Variants in DUXA observed in about 807,000 individuals in gnomAD.
DUXA encodes the protein double homeobox A.
In DUXA, 25 loss-of-function variants were observed where a neutral mutation model predicts 27.5. The ratio of observed to expected loss-of-function variants is 0.91; its 90% CI spans 0.66 to 1.27. DUXA has a LOEUF of 1.27. Ranked by LOEUF, DUXA falls within the 50% of genes most tolerant of loss-of-function variation. The pLI is 0.00. For missense variants in DUXA, 247 were observed against 242.9 expected (o/e 1.02, Z -0.11); for synonymous variants, 90 against 80.5 (o/e 1.12, Z -0.63).
intron 1 of DUXA, among the ~76,000 whole-genome samples, chr19:57,161,447 C>T (rs1279045136): frequency 4.8e-4 from 72 of 149,462 alleles, no homozygotes; most frequent in Non-Finnish European, 7.4e-5. Flanking sequence ...CATGATGAAA[C>T]CCCGTCTCTA....
At chr19:57,158,741 TAA>T in intron 3 of DUXA, among the ~76,000 whole-genome samples, 1 of 152,116 alleles carries the variant, frequency 6.6e-6, no homozygotes, top group East Asian at 1.9e-4. Context: ...GCCGGCACTT[TAA>T]GAGACTGAGA....
intron 2 of DUXA, 66 bp downstream of exon 2, chr19:57,160,577 C>G (rs1389604332): frequency 1.3e-6 from 2 of 1,572,208 alleles, no homozygotes; most frequent in Non-Finnish European, 1.7e-6. Flanking sequence ...ATAGTATGGG[C>G]TCCGTTAATG....
chr19:57,166,690 G>C (rs1024012375), intron 1 of DUXA, among the ~76,000 whole-genome samples: 1 of 152,200 alleles, frequency 6.6e-6, no homozygotes, highest in Non-Finnish European at 1.5e-5. Context: ...AGATCAGTTA[G>C]GAGAAGACTG....
chr19:57,160,409 C>G, intron 2 of DUXA, among the ~76,000 whole-genome samples: 1 of 152,266 alleles, frequency 6.6e-6, no homozygotes, highest in Non-Finnish European at 1.5e-5. Flanking sequence ...TCAAGTATCT[C>G]CTTCTCTGAA....
intron 1 of DUXA, among the ~76,000 whole-genome samples, chr19:57,163,928 GT>G (rs1321962984): frequency 1.3e-5 from 2 of 151,950 alleles, no homozygotes; most frequent in African/African-American, 4.8e-5. Flanking sequence ...TAAAATAACA[GT>G]TTAGACTGGG....
chr19:57,167,472 ACTGT>A lies in DUXA; in HGVS notation c.-33_-30del. ...GGAAGAGAGTCCTGAAGGCTGAGCC[ACTGT>A]CTGGGAGACAAGTCACTCTGCGCAG... On this transcript the variant is annotated 5_prime_UTR_variant, in exon 1 of 6. Transcript: ENST00000554048. 6.2e-7 allele frequency: 1 copy of A among 1,611,850 alleles called. No individual in the cohort carries two copies. The highest frequency in any genetic ancestry group is 8.5e-7 in the Non-Finnish European group (1 of 1,179,326).
At chr19:57,154,559 C>A in intron 5 of DUXA, 77 bp from the exon 6 acceptor site, 2 of 1,220,930 alleles carry the variant, frequency 1.6e-6, no homozygotes, top group Non-Finnish European at 2.3e-6. Context: ...AGCCTTTTCC[C>A]ACCTTTTCTT....
At chr19:57,167,374 T>C (rs754495710) in intron 1 of DUXA, 45 bp downstream of exon 1, 33 of 1,611,404 alleles carry the variant, frequency 2.0e-5, no homozygotes, top group South Asian at 1.8e-4. Flanking sequence ...AGCCCTACTT[T>C]TTCCCCAAAC....
At chr19:57,158,712 G>A (rs746126616) in intron 3 of DUXA, among the ~76,000 whole-genome samples, 20 of 152,124 alleles carry the variant, frequency 1.3e-4, no homozygotes, top group African/African-American at 2.9e-4. Context: ...GGCCGGGCGC[G>A]GTGGCTCACG....
At chr19:57,162,451 G>C (rs1599932196) in intron 1 of DUXA, among the ~76,000 whole-genome samples, 2 of 152,216 alleles carry the variant, frequency 1.3e-5, no homozygotes, top group African/African-American at 4.8e-5. Context: ...TTAGTGAATT[G>C]AGATAAGAAG....
intron 3 of DUXA, 43 bp downstream of exon 3, chr19:57,159,124 T>G: frequency 1.3e-6 from 2 of 1,559,036 alleles, no homozygotes; most frequent in Non-Finnish European, 1.8e-6. Flanking sequence ...GGCTCCGCCG[T>G]AGAGAAGCTC....
intron 5 of DUXA, 62 bp downstream of exon 5, chr19:57,155,205 C>T (rs541992346): frequency 1.9e-5 from 28 of 1,469,558 alleles, no homozygotes; most frequent in Admixed American, 8.5e-5. Flanking sequence ...TCCACCATGA[C>T]GAAGCACTGG....
chr19:57,161,149 C>T (rs919055054), intron 1 of DUXA, among the ~76,000 whole-genome samples: 1 of 151,556 alleles, frequency 6.6e-6, no homozygotes, highest in Non-Finnish European at 1.5e-5. Flanking sequence ...CATGATGAAA[C>T]TCCATCTGTA....
intron 1 of DUXA, among the ~76,000 whole-genome samples, chr19:57,164,881 G>A (rs2087043597): frequency 6.6e-6 from 1 of 152,140 alleles, no homozygotes; most frequent in South Asian, 2.1e-4. Flanking sequence ...ACATTCCTAA[G>A]TGAAACCACT....
At chr19:57,157,895 G>A (rs553588550) in intron 4 of DUXA, among the ~76,000 whole-genome samples, 30 of 151,880 alleles carry the variant, frequency 2.0e-4, no homozygotes, top group African/African-American at 6.5e-4. Flanking sequence ...TCAGGCAGCT[G>A]AAGCACAAAA....
At chr19:57,158,630 G>A (rs554204496) in intron 3 of DUXA, among the ~76,000 whole-genome samples, 157 bp from the exon 4 acceptor site, 1 of 152,226 alleles carries the variant, frequency 6.6e-6, no homozygotes, top group East Asian at 1.9e-4. Context: ...CCTTCCAGGT[G>A]GAAGGTTCTA....
intron 1 of DUXA, among the ~76,000 whole-genome samples, chr19:57,164,610 A>G (rs1050144747): frequency 1.4e-4 from 22 of 152,030 alleles, no homozygotes; most frequent in African/African-American, 5.3e-4. Context: ...TTTTTAAAAA[A>G]GGCTAGATGA....
intron 2 of DUXA, among the ~76,000 whole-genome samples, chr19:57,159,502 C>T (rs2087009584): frequency 6.6e-6 from 1 of 151,972 alleles, no homozygotes; most frequent in Non-Finnish European, 1.5e-5. Flanking sequence ...CAACCTCCAC[C>T]TCCTGAGTTC....
At chr19:57,155,448 T>C in intron 4 of DUXA, 76 bp from the exon 5 acceptor site, 2 of 1,209,800 alleles carry the variant, frequency 1.7e-6, no homozygotes, top group Non-Finnish European at 2.4e-6. Flanking sequence ...CTTCTCTTTT[T>C]TCTTTTCTGT....
Sources: allele counts gnomAD v4.1 joint callset (sites outside exome capture counted in the v4.1 genomes callset), GRCh38; gene constraint gnomAD v4.1.1; transcripts MANE v1.5; gene names NCBI Gene and HGNC (gene_info 2026-07-23, HGNC 2026-07-21).